GNA12: variants seen among roughly 807,000 people sequenced by gnomAD.
The protein encoded by GNA12 is G protein subunit alpha 12, also known as guanine nucleotide-binding protein subunit alpha-12.
GNA12 carries 9 observed loss-of-function variants against 26.0 expected under a neutral mutation model. That is an observed-to-expected ratio of 0.35 (90% CI 0.21 to 0.60). The LOEUF is 0.60. GNA12 is among the 20% of genes least tolerant of loss of function. GNA12 has a pLI of 0.78. For missense variants in GNA12, 405 were observed against 525.8 expected, an observed-to-expected ratio of 0.77 and a Z score of 2.25; for synonymous variants, 264 against 219.6, an observed-to-expected ratio of 1.20 and a Z score of -1.79.
intron 1 of GNA12, among the ~76,000 whole-genome samples, chr7:2,832,348 A>G (rs1778696739): frequency 6.6e-6 from 1 of 152,210 alleles, no homozygotes. Flanking sequence ...CAGAGCACAA[A>G]GCCTAGCTCT....
intron 2 of GNA12, among the ~76,000 whole-genome samples, chr7:2,760,922 C>G (rs1791524026): frequency 6.6e-6 from 1 of 152,210 alleles, no homozygotes; most frequent in African/African-American, 2.4e-5. Context: ...GGGGTTCTGG[C>G]TGGCACCTTC....
intron 2 of GNA12, among the ~76,000 whole-genome samples, chr7:2,748,861 G>A (rs1454386295): frequency 6.6e-6 from 1 of 152,272 alleles, no homozygotes; most frequent in East Asian, 1.9e-4. Flanking sequence ...GACATGAACA[G>A]ACACTTCTCA....
At chr7:2,811,846 C>T (rs1793088910) in intron 1 of GNA12, among the ~76,000 whole-genome samples, 1 of 152,240 alleles carries the variant, frequency 6.6e-6, no homozygotes, top group South Asian at 2.1e-4. Flanking sequence ...GCAGGCCACG[C>T]AGGACACCAG....
At chr7:2,733,822 C>T (rs1469228092) in intron 2 of GNA12, among the ~76,000 whole-genome samples, 1 of 152,212 alleles carries the variant, frequency 6.6e-6, no homozygotes, top group East Asian at 1.9e-4. Flanking sequence ...AAGGCTGGCC[C>T]ACTCCTGGCC....
At chr7:2,803,381 G>C (rs1334298833) in intron 1 of GNA12, among the ~76,000 whole-genome samples, 1 of 152,232 alleles carries the variant, frequency 6.6e-6, no homozygotes, top group Non-Finnish European at 1.5e-5. Context: ...GCTGCCTGCA[G>C]GTCCCGTGGC....
chr7:2,774,952 T>G (rs540321445), intron 2 of GNA12, among the ~76,000 whole-genome samples: 1 of 152,326 alleles, frequency 6.6e-6, no homozygotes, highest in South Asian at 2.1e-4. Context: ...CAAAAGAGTA[T>G]GAATTGCACA....
Position 2,821,183 on chromosome 7 carries a change from C to T in GNA12, c.309+22670G>A, listed in dbSNP as rs558999934. Among the ~76,000 whole-genome samples the T allele has an allele frequency of 1.3e-4, 20 of 152,234 alleles. 1 individual carries two copies. The highest frequency in any genetic ancestry group is 4.1e-4 in the South Asian group (2 of 4,820). On this transcript the variant is annotated intron_variant, in intron 1 of 3. Transcript: ENST00000275364. ...CTTGGCTTAAGAATTTTTGTGATGA[C>T]GCTTAGATTACAGATGTTCTGCAAG...
At position 2,731,383 on chromosome 7, in the gene GNA12, G is replaced by A. The variant is rs765598901; in HGVS notation, c.944C>T (p.Pro315Leu). The A allele has an allele frequency of 1.2e-5, 19 of 1,613,466 alleles. No individual in the cohort carries two copies. Among genetic ancestry groups the A allele is most frequent in the East Asian group, 4.5e-5 (2 of 44,882 alleles). Reference sequence around the variant, plus strand: ...CCTGTGCGGGTCGCCCCTGAAGTCCGGGAAGTGCTTCTTGATGCTCACGGT... The same window carrying A: ...CCTGTGCGGGTCGCCCCTGAAGTCCAGGAAGTGCTTCTTGATGCTCACGGT... ...VKTVSIKKHF[P>L]DFRGDPHRLE... The change falls in exon 4 of 4, where the codon CCG (proline) becomes CTG (leucine). Residue 315 changes from proline (P) to leucine (L), a missense_variant. Coordinates refer to ENST00000275364, the MANE Select transcript of GNA12 (RefSeq NM_007353.3). The surrounding 1 kb of genome is among the most constrained non-coding windows in gnomAD (Gnocchi z 6.0).
intron 2 of GNA12, among the ~76,000 whole-genome samples, chr7:2,735,087 GC>G (rs1321178426): frequency 6.7e-6 from 1 of 148,542 alleles, no homozygotes; most frequent in Non-Finnish European, 1.5e-5. Flanking sequence ...ACAGGAAGCA[GC>G]TGGGAGAAGC....
chr7:2,834,424 TAA>T (rs1778770357), intron 1 of GNA12, among the ~76,000 whole-genome samples: 1 of 152,240 alleles, frequency 6.6e-6, no homozygotes, highest in Admixed American at 6.5e-5. Context: ...CGCTGTATGT[TAA>T]AGTTACTTGT....
At chr7:2,793,896 A>AAG (rs1159616391) in intron 2 of GNA12, among the ~76,000 whole-genome samples, 9 of 146,736 alleles carry the variant, frequency 6.1e-5, no homozygotes, top group African/African-American at 2.4e-4. Flanking sequence ...AAAAAAAAAA[A>AAG]AAGGAAAAAA....
intron 1 of GNA12, among the ~76,000 whole-genome samples, chr7:2,802,782 T>C (rs767940565): frequency 2.6e-5 from 4 of 152,194 alleles, no homozygotes; most frequent in Admixed American, 2.0e-4. Flanking sequence ...TTTCTTTACA[T>C]TGATGAATCC....
At chr7:2,772,834 C>T (rs1215723571) in intron 2 of GNA12, among the ~76,000 whole-genome samples, 1 of 152,142 alleles carries the variant, frequency 6.6e-6, no homozygotes, top group Non-Finnish European at 1.5e-5. Flanking sequence ...AGAGACCTGT[C>T]CAAGAATGTT....
chr7:2,791,451 G>A (rs1435465706), intron 2 of GNA12, among the ~76,000 whole-genome samples: 1 of 152,242 alleles, frequency 6.6e-6, no homozygotes, highest in South Asian at 2.1e-4. Context: ...AGAAAGGGTC[G>A]TCACAAGGTA....
intron 1 of GNA12, among the ~76,000 whole-genome samples, chr7:2,830,337 A>G (rs1344751688): frequency 6.6e-6 from 1 of 152,248 alleles, no homozygotes; most frequent in Non-Finnish European, 1.5e-5. Flanking sequence ...AAATCAAAAC[A>G]GGAGTCAGGT....
chr7:2,754,642 G>C (rs1375512112), intron 2 of GNA12, among the ~76,000 whole-genome samples: 1 of 152,024 alleles, frequency 6.6e-6, no homozygotes, highest in African/African-American at 2.4e-5. Context: ...CAGCTATTAG[G>C]GGAGGCTGGG....
intron 2 of GNA12, chr7:2,762,327 C>T (rs1180008848): frequency 2.1e-5 from 7 of 330,222 alleles, no homozygotes; most frequent in African/African-American, 1.1e-4. Context: ...AGGCGCTGCG[C>T]GACTGCTGCT....
At chr7:2,773,380 T>G (rs1028949350) in intron 2 of GNA12, among the ~76,000 whole-genome samples, 11 of 152,186 alleles carry the variant, frequency 7.2e-5, no homozygotes, top group African/African-American at 2.7e-4. Flanking sequence ...CTGGCCAACA[T>G]GGCAAAACCC....
intron 2 of GNA12, among the ~76,000 whole-genome samples, chr7:2,781,325 T>C (rs1190848775): frequency 2.0e-5 from 3 of 152,114 alleles, no homozygotes; most frequent in Non-Finnish European, 4.4e-5. Context: ...TATATGTGTA[T>C]ATACATACAC....
Sources: allele counts gnomAD v4.1 joint callset (sites outside exome capture counted in the v4.1 genomes callset), GRCh38; gene constraint gnomAD v4.1.1; non-coding constraint Gnocchi (gnomAD v3.1); transcripts MANE v1.5; gene names NCBI Gene and HGNC (gene_info 2026-07-23, HGNC 2026-07-21).